The following DLGAP1 variants were observed in gnomAD, a reference collection of about 807,000 sequenced individuals.
DLGAP1 encodes disks large-associated protein 1.
Under a neutral mutation model 90.8 loss-of-function variants are expected in DLGAP1, and 11 were observed. The ratio of observed to expected loss-of-function variants is 0.12; its 90% CI spans 0.08 to 0.20. The LOEUF is 0.20. Among genes scored for constraint, DLGAP1 ranks in the 10% least tolerant of loss-of-function variants. The pLI is 1.00. For synonymous variants in DLGAP1, 558 were observed against 540.7 expected (o/e 1.03, Z -0.44); for missense variants, 1,050 against 1,333.8 (o/e 0.79, Z 3.31).
chr18:3,624,019 C>G (rs978829154), intron 7 of DLGAP1, among the ~76,000 whole-genome samples: 1 of 152,114 alleles, frequency 6.6e-6, no homozygotes, highest in East Asian at 1.9e-4. Flanking sequence ...CACATTCCAC[C>G]GCTCCAGCAG....
intron 3 of DLGAP1, among the ~76,000 whole-genome samples, chr18:3,898,034 T>C (rs1390229925): frequency 2.0e-5 from 3 of 151,868 alleles, no homozygotes; most frequent in Non-Finnish European, 4.4e-5. Flanking sequence ...GACCTCGTGA[T>C]CCGCCCGCCT....
intron 3 of DLGAP1, among the ~76,000 whole-genome samples, chr18:3,897,857 C>T (rs1052929267): frequency 6.3e-4 from 89 of 140,312 alleles, no homozygotes; most frequent in South Asian, 1.4e-3. Flanking sequence ...TGCAGTGGCG[C>T]AATCTCGGCT....
intron 1 of DLGAP1, among the ~76,000 whole-genome samples, chr18:4,282,199 C>A (rs947815271): frequency 2.0e-5 from 3 of 151,808 alleles, no homozygotes; most frequent in Non-Finnish European, 4.4e-5. Context: ...TCCGTCTCTA[C>A]TAAAAATACA....
intron 9 of DLGAP1, among the ~76,000 whole-genome samples, chr18:3,563,759 G>T (rs1027662589): frequency 8.5e-5 from 13 of 152,100 alleles, no homozygotes; most frequent in African/African-American, 3.1e-4. Context: ...ATGAGCCACC[G>T]TGCCCAGCTG....
intron 10 of DLGAP1, among the ~76,000 whole-genome samples, chr18:3,523,330 T>A (rs2051337842): frequency 6.7e-6 from 1 of 148,706 alleles, no homozygotes; most frequent in African/African-American, 2.5e-5. Flanking sequence ...TGAGCCAAGA[T>A]CACACTACCG....
chr18:3,613,059 A>C (rs1461182259), intron 7 of DLGAP1, among the ~76,000 whole-genome samples: 1 of 152,026 alleles, frequency 6.6e-6, no homozygotes, highest in Non-Finnish European at 1.5e-5. Flanking sequence ...GTTAGTCTTG[A>C]ACTCCTGACT....
At chr18:4,079,861 T>C (rs1438642229) in intron 2 of DLGAP1, among the ~76,000 whole-genome samples, 1 of 152,076 alleles carries the variant, frequency 6.6e-6, no homozygotes, top group Non-Finnish European at 1.5e-5. Context: ...GGAGTAGCAA[T>C]AGACTTGCCT....
chr18:3,734,225 T>G (rs190954543), intron 6 of DLGAP1, among the ~76,000 whole-genome samples: 1 of 152,266 alleles, frequency 6.6e-6, no homozygotes, highest in African/African-American at 2.4e-5. Context: ...TCTTTTTAAC[T>G]CTTCATTTGT....
intron 3 of DLGAP1, chr18:3,983,137 T>C (rs1310140523): frequency 6.6e-6 from 1 of 152,172 alleles, no homozygotes; most frequent in South Asian, 2.1e-4. Flanking sequence ...TTTCCTTATT[T>C]GAAATTTCAA....
At chr18:3,636,280 C>A (rs1174197394) in intron 7 of DLGAP1, among the ~76,000 whole-genome samples, 1 of 151,484 alleles carries the variant, frequency 6.6e-6, no homozygotes, top group African/African-American at 2.4e-5. Context: ...GTCTTTTACA[C>A]CTTTCATTAA....
chr18:3,684,847 C>T (rs1363721925), intron 7 of DLGAP1, among the ~76,000 whole-genome samples: 2 of 152,108 alleles, frequency 1.3e-5, no homozygotes, highest in East Asian at 1.9e-4. Context: ...CAACCAAAAT[C>T]GTGTAAGGAG....
At chr18:3,874,306 T>C in intron 4 of DLGAP1, 1 of 1,544,468 alleles carries the variant, frequency 6.5e-7, no homozygotes, top group South Asian at 1.2e-5. Context: ...TCCCTCTGTC[T>C]CTCTCTCTCC....
At chr18:4,047,773 T>C (rs554474615) in intron 2 of DLGAP1, among the ~76,000 whole-genome samples, 10 of 152,302 alleles carry the variant, frequency 6.6e-5, no homozygotes, top group East Asian at 3.9e-4. Flanking sequence ...CATTAGATCA[T>C]TGAGGTTTAA....
chr18:3,976,222 G>GTAATAATAATAATAATA (rs1568329962), intron 3 of DLGAP1, among the ~76,000 whole-genome samples: 3 of 123,950 alleles, frequency 2.4e-5, no homozygotes, highest in African/African-American at 8.4e-5. Flanking sequence ...TAATAATAAC[G>GTAATAATAATAATAATA]ATAATTAGCC....
intron 4 of DLGAP1, among the ~76,000 whole-genome samples, chr18:3,819,461 T>A (rs1350530332): frequency 6.6e-6 from 1 of 152,150 alleles, no homozygotes; most frequent in Non-Finnish European, 1.5e-5. Context: ...AAAATATGTA[T>A]GAGAAGAAAA....
At chr18:4,165,773 CA>C (rs2076922771) in intron 1 of DLGAP1, among the ~76,000 whole-genome samples, 1 of 152,068 alleles carries the variant, frequency 6.6e-6, no homozygotes, top group South Asian at 2.1e-4. Flanking sequence ...GCAACCACTA[CA>C]AAAACCATAC....
chr18:4,160,332 C>T (rs1017866875), intron 1 of DLGAP1, among the ~76,000 whole-genome samples: 2 of 152,048 alleles, frequency 1.3e-5, no homozygotes, highest in Non-Finnish European at 2.9e-5. Context: ...TCTGTTTGTC[C>T]CTACTGAACT....
At chr18:3,951,530 A>C (rs1219949475) in intron 3 of DLGAP1, among the ~76,000 whole-genome samples, 1 of 152,222 alleles carries the variant, frequency 6.6e-6, no homozygotes, top group African/African-American at 2.4e-5. Context: ...AAATGTATCC[A>C]CTAAATTTTT....
intron 2 of DLGAP1, among the ~76,000 whole-genome samples, chr18:4,116,939 C>T (rs1041158475): frequency 6.6e-6 from 1 of 152,104 alleles, no homozygotes; most frequent in Non-Finnish European, 1.5e-5. Flanking sequence ...TGTTTCTCCC[C>T]AAAATTCACA....
Sources: gnomAD v4.1 joint callset for allele counts (sites outside exome capture counted in the v4.1 genomes callset) on GRCh38, gnomAD v4.1.1 for gene constraint, MANE v1.5 for transcripts, NCBI Gene and HGNC (gene_info 2026-07-23, HGNC 2026-07-21) for gene names.